The following DCST1 variants were observed in gnomAD, a reference collection of about 807,000 sequenced individuals.
The protein encoded by DCST1 is E3 ubiquitin-protein ligase DCST1.
Under a neutral mutation model 89.1 loss-of-function variants are expected in DCST1, and 78 were observed. That is an observed-to-expected ratio of 0.88 (90% CI 0.73 to 1.06). The LOEUF is 1.06. DCST1 is among the 50% of genes least tolerant of loss of function. The pLI, the probability that DCST1 is intolerant of heterozygous loss-of-function variation, is 0.00. For synonymous variants in DCST1, 364 were observed against 371.9 expected (o/e 0.98, Z 0.24); for missense variants, 900 against 928.6 (o/e 0.97, Z 0.40).
chr1:155,050,538 T>C, intron 16 of DCST1, 79 bp from the exon 17 acceptor site: 4 of 1,460,212 alleles, frequency 2.7e-6, no homozygotes, highest in Non-Finnish European at 3.6e-6. Context: ...GCCTGGCGAC[T>C]TCAGACAGGA....
In DCST1 at chr1:155,043,404, G is replaced by A. The variant is rs199543135; in HGVS notation, c.1067G>A (p.Ser356Asn). Residue 356 changes from serine (S) to asparagine (N), a missense_variant, in exon 10 of 17, where the codon AGC becomes AAC. Physicochemically the swap from Ser to Asn is conservative, Grantham distance 46. Transcript: ENST00000295542. ...LGLNTSWERV[S>N]TEVRDYVYRQ... ...CTCAACACAAGCTGGGAGCGCGTGAGCACCGAGGTGCGGGACTACGTGTAC... is the reference window on the plus strand; with the variant it reads ...CTCAACACAAGCTGGGAGCGCGTGAACACCGAGGTGCGGGACTACGTGTAC... The A allele has an allele frequency of 3.1e-6, 5 of 1,613,998 alleles. No homozygotes were observed. In the East Asian group the frequency reaches 6.7e-5, roughly 22 times the overall value.
chr1:155,041,471 T>C lies in DCST1; in HGVS notation c.606T>C (p.Asn202=). The part of the protein sequence containing the change: ...ATFEDLDAQV[N]SETGYTPEDT... ...TTGAGGACCTGGATGCCCAGGTGAA[T>C]AGTGAGACGGGCTACACGCCTGAGG... Residue 202 remains asparagine (N), a synonymous_variant, in exon 7 of 17, where the codon AAT becomes AAC. Transcript: ENST00000295542. 4 of 1,614,002 alleles carry C rather than the reference T, an allele frequency of 2.5e-6. No homozygotes were observed. The South Asian group carries it at 3.3e-5, about 13-fold the overall frequency.
chr1:155,036,169 G>A (rs1660275372), intron 4 of DCST1, among the ~76,000 whole-genome samples: 1 of 151,628 alleles, frequency 6.6e-6, no homozygotes, highest in Non-Finnish European at 1.5e-5. Context: ...GGTCAGAACT[G>A]CGTGCAACAC....
chr1:155,041,479 C>A lies in DCST1; in HGVS notation c.614C>A (p.Thr205Lys), dbSNP rs375462437. ...EDLDAQVNSE[T>K]GYTPEDTMDS... Reference sequence around the variant, plus strand: ...CTGGATGCCCAGGTGAATAGTGAGACGGGCTACACGCCTGAGGATACCATG... The same window carrying A: ...CTGGATGCCCAGGTGAATAGTGAGAAGGGCTACACGCCTGAGGATACCATG... Residue 205 changes from threonine (T) to lysine (K), a missense_variant, in exon 7 of 17, where the codon ACG becomes AAG. Coordinates refer to ENST00000295542, the MANE Select transcript of DCST1 (RefSeq NM_152494.4). The A allele has an allele frequency of 3.1e-6, 5 of 1,614,078 alleles. No homozygotes were observed. Among genetic ancestry groups the A allele is most frequent in the African/African-American group, 1.3e-5 (1 of 75,042 alleles).
At position 155,039,990 on chromosome 1, in the gene DCST1, C is replaced by CAAAAAAAA. The variant is rs55764638; in HGVS notation, c.392-470_392-463dup. On this transcript the variant is annotated intron_variant, in intron 5 of 16. Coordinates refer to ENST00000295542, the MANE Select transcript of DCST1 (RefSeq NM_152494.4). ...TGGGTGACAGAGCAAGACTCCGTCT[C>CAAAAAAAA]AAAAAAAAAAAAAAAAAAAAAAAAA... Among the ~76,000 whole-genome samples, 4 of 13,396 alleles carry CAAAAAAAA rather than the reference C, an allele frequency of 3.0e-4. 1 individual carries two copies. The highest frequency in any genetic ancestry group is 8.0e-4 in the African/African-American group (2 of 2,514). 8.8% of individuals were successfully genotyped at this position (13,396 alleles called of 152,430 possible).
intron 5 of DCST1, among the ~76,000 whole-genome samples, chr1:155,039,892 G>A (rs1181788697): frequency 6.7e-6 from 1 of 148,920 alleles, no homozygotes; most frequent in Non-Finnish European, 1.5e-5. Flanking sequence ...TCGGGAGGCT[G>A]AGACAGGAGA....
At chr1:155,043,262 G>A in intron 9 of DCST1, 90 bp from the exon 10 acceptor site, 8 of 1,588,882 alleles carry the variant, frequency 5.0e-6, no homozygotes, top group Non-Finnish European at 6.9e-6. Context: ...GGACACAAGT[G>A]GGGTACTGGG....
Position 155,045,968 on chromosome 1 carries a change from G to C in DCST1, c.1248G>C (p.Gln416His). The change falls in exon 11 of 17, where the codon CAG becomes CAC. Residue 416 changes from glutamine to histidine, a missense_variant. By Grantham distance (24) the Gln-to-His change is conservative. Coordinates refer to ENST00000295542, the MANE Select transcript of DCST1 (RefSeq NM_152494.4). Reference sequence around the variant, plus strand: ...TCTACATCAGTACCTACTTCTGCCAGATCGATGACCGCAGGAAGAAGCTGG... The same window carrying C: ...TCTACATCAGTACCTACTTCTGCCACATCGATGACCGCAGGAAGAAGCTGG... The part of the protein sequence containing the change: ...DNIYISTYFC[Q>H]IDDRRKKLGK... 1 of 1,614,230 alleles carries C rather than the reference G, an allele frequency of 6.2e-7. No individual in the cohort carries two copies. Among genetic ancestry groups the C allele is most frequent in the Non-Finnish European group, 8.5e-7 (1 of 1,180,046 alleles).
chr1:155,034,826 C>A (rs4845405), intron 4 of DCST1, 99 bp downstream of exon 4: 511,474 of 1,290,106 alleles, frequency 0.4, 111,840 homozygotes, highest in East Asian at 0.89. Flanking sequence ...TCTTCTGTAC[C>A]CATACATCCC....
At chr1:155,043,712 A>T (rs1210826507) in intron 10 of DCST1, among the ~76,000 whole-genome samples, 2 of 152,360 alleles carry the variant, frequency 1.3e-5, no homozygotes, top group African/African-American at 4.8e-5. Context: ...CACTGCCTTA[A>T]AAGGCCAACC....
intron 13 of DCST1, 114 bp downstream of exon 13, chr1:155,046,600 CT>C (rs71077975): frequency 0.046 from 24,630 of 530,602 alleles, no homozygotes; most frequent in Non-Finnish European, 0.055. Context: ...CCTTCTGCCT[CT>C]TTTTTTTTTT....
At chr1:155,039,285 T>C (rs1660356563) in intron 4 of DCST1, 118 bp from the exon 5 acceptor site, 7 of 1,276,758 alleles carry the variant, frequency 5.5e-6, no homozygotes, top group Non-Finnish European at 6.2e-6. Flanking sequence ...TAAATGGGGA[T>C]AAGGGCAGGA....
chr1:155,044,265 T>C (rs1332395168), intron 10 of DCST1, among the ~76,000 whole-genome samples: 1 of 151,942 alleles, frequency 6.6e-6, no homozygotes, highest in Non-Finnish European at 1.5e-5. Context: ...GAGGATGGCT[T>C]GAGTTGAGGT....
At chr1:155,040,772 C>A in intron 6 of DCST1, 148 bp downstream of exon 6, 1 of 1,267,572 alleles carries the variant, frequency 7.9e-7, no homozygotes, top group Non-Finnish European at 1.1e-6. Context: ...CATTGCAGAA[C>A]GTGCCCTGGT....
At chr1:155,037,438 C>CTTTTT (rs781136167) in intron 4 of DCST1, among the ~76,000 whole-genome samples, 14 of 125,812 alleles carry the variant, frequency 1.1e-4, no homozygotes, top group African/African-American at 3.9e-4. Context: ...CATTGTTGGT[C>CTTTTT]TTTTTTTTTT....
chr1:155,048,840 G>C (rs1028713841), intron 16 of DCST1, among the ~76,000 whole-genome samples: 5 of 152,248 alleles, frequency 3.3e-5, no homozygotes, highest in African/African-American at 1.2e-4. Flanking sequence ...GAGGGCTGCA[G>C]ACCAGAAGCT....
intron 14 of DCST1, 62 bp downstream of exon 14, chr1:155,047,374 C>A: frequency 6.9e-7 from 1 of 1,456,102 alleles, no homozygotes; most frequent in Non-Finnish European, 9.5e-7. Context: ...GGTCAAAAGA[C>A]TCCAAGGTAA....
In DCST1 at chr1:155,047,218, G is replaced by A. The variant is rs993647029; in HGVS notation, c.1518G>A (p.Lys506=). Residue 506 remains lysine, a synonymous_variant, in exon 14 of 17, where the codon AAG becomes AAA. Transcript: ENST00000295542. The stretch of plus-strand genomic sequence containing the variant: ...CAGGCAGTCATAAACTGGAGGTGAA[G>A]GTCGGGGGAGACTCCATGCTAGCCC... ...SFRSSHKLEV[K]VGGDSMLARL... 6 of 1,614,118 alleles carry A rather than the reference G, an allele frequency of 3.7e-6. No homozygotes were observed. The East Asian group carries it at 1.3e-4, about 36-fold the overall frequency.
intron 4 of DCST1, among the ~76,000 whole-genome samples, chr1:155,035,452 G>A (rs556654592): frequency 4.0e-5 from 6 of 151,786 alleles, no homozygotes; most frequent in Non-Finnish European, 2.9e-5. Flanking sequence ...GTAAGCCACC[G>A]TGCCCAGCCC....
Sources: gnomAD v4.1 joint callset for allele counts (sites outside exome capture counted in the v4.1 genomes callset) on GRCh38, gnomAD v4.1.1 for gene constraint, MANE v1.5 for transcripts, NCBI Gene and HGNC (gene_info 2026-07-23, HGNC 2026-07-21) for gene names.